The following ACSS1 variants were observed in gnomAD, a reference collection of about 807,000 sequenced individuals.
ACSS1 encodes the protein acyl-CoA synthetase short chain family member 1.
A neutral mutation model predicts 75.3 loss-of-function variants in ACSS1; 42 were observed. The ratio of observed to expected loss-of-function variants is 0.56; its 90% confidence interval spans 0.44 to 0.72. The LOEUF is 0.72. Ranked by LOEUF, ACSS1 falls within the 30% of genes least tolerant of loss-of-function variation. ACSS1 has a pLI of 0.00. For synonymous variants in ACSS1, 380 were observed against 376.8 expected (o/e 1.01, Z -0.10); for missense variants, 782 against 935.7 (o/e 0.84, Z 2.14).
At chr20:25,045,200 A>G (rs1027222514) in intron 2 of ACSS1, among the ~76,000 whole-genome samples, 1 of 152,196 alleles carries the variant, frequency 6.6e-6, no homozygotes, top group Non-Finnish European at 1.5e-5. Context: ...GGGTGTACAG[A>G]TGGGAAAGTC....
chr20:25,046,747 A>C, intron 2 of ACSS1: 1 of 774,134 alleles, frequency 1.3e-6, no homozygotes, highest in Non-Finnish European at 2.4e-6. Context: ...TTGGGTCTTC[A>C]GAGCCAAGCA....
At chr20:25,050,579 G>A (rs2089161322) in intron 1 of ACSS1, among the ~76,000 whole-genome samples, 1 of 152,092 alleles carries the variant, frequency 6.6e-6, no homozygotes, top group Non-Finnish European at 1.5e-5. Flanking sequence ...CCCAGGTGTA[G>A]ATGAGCAAAC....
chr20:25,013,057 T>A (rs1458535083), intron 10 of ACSS1, 118 bp from the exon 11 acceptor site: 13 of 1,438,126 alleles, frequency 9.0e-6, no homozygotes, highest in Non-Finnish European at 1.2e-5. Context: ...CCATCGGCCC[T>A]CCTTGCAACT....
At chr20:25,050,096 C>T (rs960647298) in intron 1 of ACSS1, among the ~76,000 whole-genome samples, 4 of 152,096 alleles carry the variant, frequency 2.6e-5, no homozygotes, top group African/African-American at 4.8e-5. Flanking sequence ...AATTAATACA[C>T]GGGTACAGCA....
intron 10 of ACSS1, 85 bp downstream of exon 10, chr20:25,013,451 C>A (rs1439223469): frequency 7.3e-6 from 11 of 1,507,974 alleles, no homozygotes; most frequent in Non-Finnish European, 8.0e-6. Context: ...ACGCTGCACT[C>A]AAATCCCATT....
At chr20:25,052,824 C>T (rs2122769277) in intron 1 of ACSS1, among the ~76,000 whole-genome samples, 1 of 152,352 alleles carries the variant, frequency 6.6e-6, no homozygotes, top group Non-Finnish European at 1.5e-5. Context: ...CAGGGCCTAA[C>T]ACAGCTGGAC....
At position 25,023,507 on chromosome 20, in the gene ACSS1, T is replaced by C; in HGVS notation, c.766A>G (p.Asn256Asp). The change falls in exon 4 of 14, where the codon AAC (asparagine) becomes GAC (aspartate). Residue 256 changes from asparagine (N) to aspartate (D), a missense_variant. By Grantham distance (23) the Asn-to-Asp change is conservative. Transcript: ENST00000323482. ...TCCAGATCCCCCATGTGGACCTTGT[T>C]GTCTGTCCTGTGAGCCACCAGGACA... is the stretch of plus-strand genomic sequence containing the variant. ...QHVLVAHRTD[N>D]KVHMGDLDVP... The C allele has an allele frequency of 1.2e-6, 2 of 1,614,172 alleles. No individual in the cohort carries two copies. Among genetic ancestry groups the C allele is most frequent in the South Asian group, 1.1e-5 (1 of 91,084 alleles).
rs765652374 is a variant in ACSS1 at position 25,013,557 on chromosome 20, C to A, written c.1558G>T (p.Ala520Ser). 1.9e-6 allele frequency: 3 copies of A among 1,603,172 alleles called. No individual in the cohort carries two copies. The highest frequency in any genetic ancestry group is 1.1e-5 in the South Asian group (1 of 90,780). The change falls in exon 10 of 14, where the codon GCC (alanine) becomes TCC (serine). Residue 520 changes from alanine to serine, a missense_variant. Around this residue, in one of 2 missense-constraint regions of ACSS1, gnomAD observed 405 missense variants for 552.6 expected, o/e 0.73. Transcript: ENST00000323482. ...TCACCTGGGTAGGCCTTGAAGTAGG[C>A]GTCCACAAATCGCTGGTGGTCGCCA... ...IYGDHQRFVD[A>S]YFKAYPGYYF...
At chr20:25,009,536 C>T in intron 12 of ACSS1, 148 bp from the exon 13 acceptor site, 1 of 680,282 alleles carries the variant, frequency 1.5e-6, no homozygotes, top group East Asian at 2.5e-5. Flanking sequence ...TCTTTAGTTG[C>T]AAACCCAAAG....
At chr20:25,046,536 G>C (rs913423086) in intron 2 of ACSS1, 34 of 478,940 alleles carry the variant, frequency 7.1e-5, no homozygotes, top group African/African-American at 3.3e-4. Flanking sequence ...CTGGCCCTTC[G>C]GGGAGTGCCA....
At chr20:25,055,551 C>T (rs1171818865) in intron 1 of ACSS1, among the ~76,000 whole-genome samples, 1 of 152,156 alleles carries the variant, frequency 6.6e-6, no homozygotes, top group Non-Finnish European at 1.5e-5. Flanking sequence ...TTCTCAAGCC[C>T]GAGTGTCCTC....
intron 2 of ACSS1, among the ~76,000 whole-genome samples, chr20:25,041,073 A>G (rs1193525455): frequency 6.6e-6 from 1 of 152,140 alleles, no homozygotes; most frequent in Non-Finnish European, 1.5e-5. Flanking sequence ...CCTGGCTAAC[A>G]CGGTGAAACC....
At chr20:25,044,972 G>A (rs367698328) in intron 2 of ACSS1, among the ~76,000 whole-genome samples, 17 of 152,364 alleles carry the variant, frequency 1.1e-4, no homozygotes, top group Non-Finnish European at 1.5e-4. Context: ...GCAAAACCGC[G>A]GCAGGGGAGG....
At chr20:25,043,076 C>T (rs1254189727) in intron 2 of ACSS1, among the ~76,000 whole-genome samples, 1 of 152,096 alleles carries the variant, frequency 6.6e-6, no homozygotes, top group Non-Finnish European at 1.5e-5. Context: ...CTCCCCCTGC[C>T]AGGGACAGGG....
At chr20:25,032,237 C>G in intron 2 of ACSS1, 1 of 817,532 alleles carries the variant, frequency 1.2e-6, no homozygotes, top group East Asian at 3.3e-5. Flanking sequence ...GGTTCACCCA[C>G]CACTCAGGGC....
At chr20:25,056,390 G>C (rs534075753) in intron 1 of ACSS1, among the ~76,000 whole-genome samples, 1 of 152,256 alleles carries the variant, frequency 6.6e-6, no homozygotes, top group African/African-American at 2.4e-5. Flanking sequence ...CAATGTTAAA[G>C]AAAACACTTA....
chr20:25,056,340 G>A (rs2089241939), intron 1 of ACSS1, among the ~76,000 whole-genome samples: 1 of 152,048 alleles, frequency 6.6e-6, no homozygotes, highest in African/African-American at 2.4e-5. Context: ...CAAAGGGTTT[G>A]GTTTTTTTCC....
Position 25,013,983 on chromosome 20 carries a change from A to AC in ACSS1, c.1429dup (p.Val477GlyfsTer7). 1.2e-6 allele frequency: 2 copies of AC among 1,613,794 alleles called. No homozygotes were observed. Among genetic ancestry groups the AC allele is most frequent in the Non-Finnish European group, 1.7e-6 (2 of 1,179,898 alleles). On this transcript the variant is annotated frameshift_variant, in exon 9 of 14. Coordinates refer to ENST00000323482, the MANE Select transcript of ACSS1 (RefSeq NM_032501.4). LOFTEE classifies it high-confidence loss of function. Reference sequence around the variant, plus strand: ...CACCTTCTCATCCATGAGGACGGGGACGATGCCAAAGAAGGGCCTCATCGC... The same window carrying AC: ...CACCTTCTCATCCATGAGGACGGGGACCGATGCCAAAGAAGGGCCTCATCGC...
rs1466424577 is a variant in ACSS1 at position 25,051,618 on chromosome 20, C to T, written c.335-3437G>A. On this transcript the variant is annotated intron_variant, in intron 1 of 13. Transcript: ENST00000323482. ...TGCTGGTCCTGGGACCCGACTCTGA[C>T]GATGTGTGCACATGGACCTACATGC... Among the ~76,000 whole-genome samples, 7 of 152,338 alleles carry T rather than the reference C, an allele frequency of 4.6e-5. No individual in the cohort carries two copies. The South Asian group carries it at 6.2e-4, about 14-fold the overall frequency.
Sources: allele counts gnomAD v4.1 joint callset (sites outside exome capture counted in the v4.1 genomes callset), GRCh38; gene constraint gnomAD v4.1.1; regional missense constraint gnomAD v4.1.1; transcripts MANE v1.5; gene names NCBI Gene and HGNC (gene_info 2026-07-23, HGNC 2026-07-21).